Variants in XKR6 observed in about 807,000 individuals in gnomAD.
XKR6 encodes XK related 6.
In XKR6, 22 loss-of-function variants were observed where a neutral mutation model predicts 56.7. The ratio of observed to expected loss-of-function variants is 0.39; its 90% CI spans 0.28 to 0.55. The LOEUF (loss-of-function observed/expected upper bound fraction) is 0.55, where lower values mean the gene tolerates loss of function less well. XKR6 is among the 20% of genes least tolerant of loss of function. The probability of loss-of-function intolerance (pLI) is 0.66; values close to 1 mark genes in which losing one functional copy is unlikely to be tolerated. For missense variants in XKR6, 852 were observed against 889.0 expected (o/e 0.96, Z 0.53); for synonymous variants, 524 against 387.8 (o/e 1.35, Z -4.13).
At chr8:11,019,602 T>A (rs556666775) in intron 1 of XKR6, among the ~76,000 whole-genome samples, 4 of 152,272 alleles carry the variant, frequency 2.6e-5, no homozygotes, top group Non-Finnish European at 5.9e-5. Context: ...GGCCCAGGTC[T>A]GGGCCCCAGT....
chr8:11,160,178 T>G (rs187573670), intron 1 of XKR6, among the ~76,000 whole-genome samples: 2 of 152,140 alleles, frequency 1.3e-5, no homozygotes, highest in African/African-American at 4.8e-5. Context: ...TAATCACATA[T>G]GAAGAAAATG....
chr8:11,106,246 A>G (rs906907825), intron 1 of XKR6: 1 of 152,130 alleles, frequency 6.6e-6, no homozygotes, highest in African/African-American at 2.4e-5. Context: ...TTTTTGATGA[A>G]TCTTGCTTTC....
rs151255540 is a variant in XKR6, at chr8:10,898,246, G to A, written c.1632C>T (p.Thr544=). 10 of 1,614,140 alleles carry A rather than the reference G, an allele frequency of 6.2e-6. No individual in the cohort carries two copies. The highest frequency in any genetic ancestry group is 8.5e-6 in the Non-Finnish European group (10 of 1,180,020). Reference sequence around the variant, plus strand: ...CCTCCTGTTGTTCCGTTACGGCTCTGGTGGGCGTAACCTGGGTCCCCCGGT... The same window carrying A: ...CCTCCTGTTGTTCCGTTACGGCTCTAGTGGGCGTAACCTGGGTCCCCCGGT... ...PGYRGTQVTP[T]RAVTEQQEDL... Residue 544 remains threonine, a synonymous_variant, in exon 3 of 3, where the codon ACC becomes ACT. Coordinates refer to ENST00000416569, the MANE Select transcript of XKR6 (RefSeq NM_173683.4). The surrounding 1 kb of genome is among the most constrained non-coding windows in gnomAD (Gnocchi z 6.6).
chr8:11,069,578 C>T (rs1800066282), intron 1 of XKR6, among the ~76,000 whole-genome samples: 1 of 152,140 alleles, frequency 6.6e-6, no homozygotes. Context: ...CTGCCATCTT[C>T]CCCTGCCCCC....
At chr8:11,042,623 G>C (rs981508761) in intron 1 of XKR6, among the ~76,000 whole-genome samples, 11 of 152,158 alleles carry the variant, frequency 7.2e-5, no homozygotes, top group African/African-American at 2.7e-4. Context: ...TTTCTTCATG[G>C]CAATATGAAA....
At chr8:11,115,661 C>A (rs1799136591) in intron 1 of XKR6, among the ~76,000 whole-genome samples, 2 of 152,058 alleles carry the variant, frequency 1.3e-5, no homozygotes, top group Non-Finnish European at 2.9e-5. Flanking sequence ...AAAATATATG[C>A]ACCTGATTCA....
chr8:11,133,468 C>G (rs1800220141), intron 1 of XKR6, among the ~76,000 whole-genome samples: 1 of 152,098 alleles, frequency 6.6e-6, no homozygotes, highest in Non-Finnish European at 1.5e-5. Context: ...GGAGACCAAG[C>G]TCTCCTTAGG....
At chr8:11,004,843 C>T (rs373438115) in intron 1 of XKR6, among the ~76,000 whole-genome samples, 3 of 152,298 alleles carry the variant, frequency 2.0e-5, no homozygotes, top group South Asian at 4.1e-4. Flanking sequence ...CATGATGAAA[C>T]ATTATTCAGC....
intron 1 of XKR6, among the ~76,000 whole-genome samples, chr8:10,979,030 T>C (rs1187302795): frequency 2.0e-5 from 3 of 152,130 alleles, no homozygotes; most frequent in Admixed American, 2.0e-4. Context: ...CTCCTGATCA[T>C]CTAATTTTTC....
chr8:10,955,284 C>G (rs1274819290), intron 1 of XKR6, among the ~76,000 whole-genome samples: 1 of 152,090 alleles, frequency 6.6e-6, no homozygotes, highest in Non-Finnish European at 1.5e-5. Flanking sequence ...GAAATCCTCC[C>G]ACCTCAGCCT....
intron 1 of XKR6, among the ~76,000 whole-genome samples, chr8:11,178,574 G>GTATATATATA (rs376780790): frequency 1.9e-5 from 2 of 102,860 alleles, no homozygotes; most frequent in African/African-American, 3.7e-5. Flanking sequence ...ATATATATAT[G>GTATATATATA]TATATATATA....
In XKR6 at chr8:11,020,448, C is replaced by T. The variant is rs141463704; in HGVS notation, c.765-95618G>A. On this transcript the variant is annotated intron_variant, in intron 1 of 2. Transcript: ENST00000416569. Reference sequence around the variant, plus strand: ...AAGCCCTGTGCTAAGTTCCTTGTGACCTCACCTGTAAACGGTGCTGCTTCT... The same window carrying T: ...AAGCCCTGTGCTAAGTTCCTTGTGATCTCACCTGTAAACGGTGCTGCTTCT... Among the ~76,000 whole-genome samples the T allele has an allele frequency of 3.1e-3, 466 of 152,298 alleles. 1 individual carries two copies. Among genetic ancestry groups the T allele is most frequent in the African/African-American group, 0.011 (442 of 41,558 alleles).
At chr8:11,045,037 T>C (rs1215142293) in intron 1 of XKR6, among the ~76,000 whole-genome samples, 9 of 151,532 alleles carry the variant, frequency 5.9e-5, no homozygotes, top group Admixed American at 5.9e-4. Context: ...CATTCCCTTA[T>C]TTGCCCTTTG....
intron 1 of XKR6, among the ~76,000 whole-genome samples, chr8:11,161,706 G>T (rs1487571592): frequency 6.6e-6 from 1 of 152,122 alleles, no homozygotes; most frequent in African/African-American, 2.4e-5. Flanking sequence ...AAATCTTACT[G>T]ATTAGTCAGT....
chr8:11,102,796 A>G (rs1798534153), intron 1 of XKR6, among the ~76,000 whole-genome samples: 1 of 152,146 alleles, frequency 6.6e-6, no homozygotes, highest in African/African-American at 2.4e-5. Flanking sequence ...AGAAACCAAC[A>G]CTGCCTGTCC....
At chr8:11,139,405 G>A (rs939086172) in intron 1 of XKR6, among the ~76,000 whole-genome samples, 1 of 152,126 alleles carries the variant, frequency 6.6e-6, no homozygotes, top group African/African-American at 2.4e-5. Context: ...GAGGAGGCAT[G>A]GGCTCTCGGG....
intron 1 of XKR6, among the ~76,000 whole-genome samples, chr8:11,115,452 G>A (rs1586564820): frequency 6.6e-6 from 1 of 152,134 alleles, no homozygotes; most frequent in South Asian, 2.1e-4. Context: ...ATTGGCCCTA[G>A]CTATACTGTA....
intron 1 of XKR6, among the ~76,000 whole-genome samples, chr8:11,198,409 T>G (rs1337053412): frequency 1.3e-5 from 2 of 149,254 alleles, no homozygotes; most frequent in African/African-American, 5.0e-5. Context: ...AAGTTAACTT[T>G]AGGAAATATT....
chr8:11,177,559 GGTGAGGTCATA>G (rs1212794626), intron 1 of XKR6, among the ~76,000 whole-genome samples: 1 of 135,840 alleles, frequency 7.4e-6, no homozygotes, highest in Non-Finnish European at 1.7e-5. Flanking sequence ...AGTAACTTAA[GGTGAGGTCATA>G]ATGGAATAGG....
Sources: gnomAD v4.1 joint callset for allele counts (sites outside exome capture counted in the v4.1 genomes callset) on GRCh38, gnomAD v4.1.1 for gene constraint, Gnocchi (gnomAD v3.1) non-coding constraint, MANE v1.5 for transcripts, NCBI Gene and HGNC (gene_info 2026-07-23, HGNC 2026-07-21) for gene names.